Variants in NAGK observed in about 807,000 individuals in gnomAD.
NAGK encodes the protein N-acetyl-D-glucosamine kinase.
Under a neutral mutation model 42.9 loss-of-function variants are expected in NAGK, and 35 were observed. The ratio of observed to expected loss-of-function variants is 0.82; its 90% confidence interval spans 0.62 to 1.08. The LOEUF is 1.08. Among genes scored for constraint, NAGK ranks in the 50% least tolerant of loss-of-function variants. The probability of loss-of-function intolerance (pLI) is 0.00; values close to 1 mark genes in which losing one functional copy is unlikely to be tolerated. For synonymous variants in NAGK, 172 were observed against 176.0 expected (o/e 0.98, Z 0.18); for missense variants, 446 against 446.0 (o/e 1.00, Z 0.00).
Position 71,078,304 on chromosome 2 carries a change from GTTCTTCCC to G in NAGK, c.845-12_845-5del. On this transcript the variant is annotated splice_polypyrimidine_tract_variant and splice_region_variant and intron_variant, in intron 9 of 9. Coordinates refer to ENST00000244204, the MANE Select transcript of NAGK (RefSeq NM_017567.6). ...GTTCTCCTCTTATCTCTGTCCTTGT[GTTCTTCCC>G]TCCAGGTTTTCTTCTGGCGCTGACC... 3 of 1,613,066 alleles carry G rather than the reference GTTCTTCCC, an allele frequency of 1.9e-6. No homozygotes were observed. Among genetic ancestry groups the G allele is most frequent in the Non-Finnish European group, 2.5e-6 (3 of 1,179,042 alleles).
chr2:71,075,930 G>T, intron 7 of NAGK: 1 of 459,590 alleles, frequency 2.2e-6, no homozygotes, highest in Admixed American at 3.4e-5. Flanking sequence ...GTTGTCCTTT[G>T]GACAAATCTA....
At chr2:71,078,245 T>A in intron 9 of NAGK, 73 bp from the exon 10 acceptor site, 1 of 1,486,398 alleles carries the variant, frequency 6.7e-7, no homozygotes, top group Non-Finnish European at 9.4e-7. Flanking sequence ...GGCGTCCTTG[T>A]CTGTCTTCCT....
Position 71,071,776 on chromosome 2 carries a change from T to C in NAGK, c.304T>C (p.Tyr102His), listed in dbSNP as rs1434314188. The change falls in exon 4 of 10, where the codon TAC (tyrosine) becomes CAC (histidine). Residue 102 changes from tyrosine to histidine, a missense_variant. Tyr to His is a moderately conservative substitution (Grantham distance 83). Transcript: ENST00000244204. ...RDRFPYLSES[Y>H]LITTDAAGSI... ...CCGATTTCCCTACCTGAGTGAAAGC[T>C]ACTTAATCACCACCGATGCCGCCGG... 1.2e-6 allele frequency: 2 copies of C among 1,614,060 alleles called. No individual in the cohort carries two copies. Among genetic ancestry groups the C allele is most frequent in the African/African-American group, 1.3e-5 (1 of 74,930 alleles).
At chr2:71,069,265 T>C in intron 1 of NAGK, 1 of 241,050 alleles carries the variant, frequency 4.1e-6, no homozygotes, top group Non-Finnish European at 6.7e-6. Flanking sequence ...GCTTGTTTAC[T>C]GAACTTTTTG....
chr2:71,069,217 C>T (rs984818571), intron 1 of NAGK: 1 of 530,780 alleles, frequency 1.9e-6, no homozygotes, highest in Non-Finnish European at 2.4e-6. Context: ...GTTGGCCTTC[C>T]ATGCTGCTTT....
chr2:71,078,654 A>T lies in NAGK; in HGVS notation c.*146A>T. ...ATCCACTCCCCAATTGGACTGCATT[A>T]TCAAACACATGTGCTATGTACATCC... On this transcript the variant is annotated 3_prime_UTR_variant, in exon 10 of 10. Transcript: ENST00000244204. The T allele has an allele frequency of 1.0e-6, 1 of 965,660 alleles. No homozygotes were observed. Among genetic ancestry groups the T allele is most frequent in the Non-Finnish European group, 1.5e-6 (1 of 669,928 alleles). 59.8% of individuals were successfully genotyped at this position (965,660 alleles called of 1,614,324 possible).
At chr2:71,068,547 T>C (rs1049305877), upstream of NAGK, 3 of 1,477,078 alleles carry the variant, frequency 2.0e-6, no homozygotes, top group African/African-American at 1.5e-5. Flanking sequence ...GCCCCGCGCA[T>C]GCGCACGCGC....
Position 71,072,651 on chromosome 2 carries a change from G to C in NAGK, c.366G>C (p.Val122=). 1.2e-6 allele frequency: 2 copies of C among 1,613,932 alleles called. No individual in the cohort carries two copies. The highest frequency in any genetic ancestry group is 1.7e-6 in the Non-Finnish European group (2 of 1,179,832). The change falls in exon 5 of 10, where the codon GTG becomes GTC. Residue 122 remains valine (V), a synonymous_variant. Transcript: ENST00000244204. The stretch of plus-strand genomic sequence containing the variant: ...ATTCCCTTTCCCCAGGTGGAGTTGT[G>C]CTCATATCTGGAACAGGCTCCAACT... ...IATATPDGGV[V]LISGTGSNCR...
chr2:71,077,557 G>A lies in NAGK; in HGVS notation c.766-1G>A, dbSNP rs1371382379. ...ATATCCATTTTCTGCTCTCCACCCA[G>A]GTCTTGTTCCAGGGCAAGATTGGAC... is the stretch of plus-strand genomic sequence containing the variant. On this transcript the variant is annotated splice_acceptor_variant, in intron 8 of 9. Transcript: ENST00000244204. LOFTEE classifies it high-confidence loss of function. The A allele has an allele frequency of 6.2e-7, 1 of 1,605,706 alleles. No homozygotes were observed. Among genetic ancestry groups the A allele is most frequent in the South Asian group, 1.1e-5 (1 of 89,218 alleles).
In NAGK at chr2:71,068,680, C is replaced by T; in HGVS notation, c.-4C>T. 2 of 1,519,396 alleles carry T rather than the reference C, an allele frequency of 1.3e-6. No homozygotes were observed. Among genetic ancestry groups the T allele is most frequent in the African/African-American group, 1.4e-5 (1 of 70,072 alleles). 94.1% of individuals were successfully genotyped at this position (1,519,396 alleles called of 1,614,324 possible). On this transcript the variant is annotated 5_prime_UTR_variant, in exon 1 of 10. Coordinates refer to ENST00000244204, the MANE Select transcript of NAGK (RefSeq NM_017567.6). ...GCGGGACCAGCAGCGACGGTAGCAGCAGCATGGCCGCGATCTATGGGGGTG... is the reference window on the plus strand; with the variant it reads ...GCGGGACCAGCAGCGACGGTAGCAGTAGCATGGCCGCGATCTATGGGGGTG...
rs371815547 is a variant in NAGK, at chr2:71,076,588, G to A, written c.668-16G>A. On this transcript the variant is annotated splice_polypyrimidine_tract_variant and intron_variant, in intron 7 of 9. Coordinates refer to ENST00000244204, the MANE Select transcript of NAGK (RefSeq NM_017567.6). ...CCTTTCTCACCAGTTTCCTTCTTCC[G>A]TCCTCCCTACCCCAGGTGCTCAGCA... The A allele has an allele frequency of 1.0e-5, 16 of 1,593,572 alleles. No homozygotes were observed. Among genetic ancestry groups the A allele is most frequent in the South Asian group, 2.2e-5 (2 of 90,402 alleles).
chr2:71,070,862 G>C, intron 3 of NAGK, 23 bp downstream of exon 3: 1 of 1,612,656 alleles, frequency 6.2e-7, no homozygotes, highest in Middle Eastern at 1.7e-4. Context: ...CGGAGCCTGG[G>C]AATTCAGCCA....
chr2:71,074,839 C>G (rs1428663696), intron 6 of NAGK: 1 of 152,156 alleles, frequency 6.6e-6, no homozygotes, highest in African/African-American at 2.4e-5. Flanking sequence ...TTGCTTGAAC[C>G]TGGGAGGCGG....
chr2:71,070,367 G>C (rs1671952560), intron 1 of NAGK, 135 bp from the exon 2 acceptor site: 5 of 640,254 alleles, frequency 7.8e-6, no homozygotes, highest in Non-Finnish European at 1.4e-5. Context: ...CACAGAGGCG[G>C]GTTTGGGAGT....
rs112601471 is a variant in NAGK, at chr2:71,078,595, C to G, written c.*87C>G. The stretch of plus-strand genomic sequence containing the variant: ...TCTTTTGCTTCCTTTCTCCTTTTTA[C>G]AAAAACAAACATAGAAGAAAATAAA... On this transcript the variant is annotated 3_prime_UTR_variant, in exon 10 of 10. Transcript: ENST00000244204. The G allele has an allele frequency of 1.2e-5, 17 of 1,374,422 alleles. No individual in the cohort carries two copies. In the African/African-American group the frequency reaches 2.4e-4, roughly 19 times the overall value. 85.1% of individuals were successfully genotyped at this position (1,374,422 alleles called of 1,614,324 possible).
chr2:71,074,931 A>T (rs185127195), intron 6 of NAGK: 76 of 152,298 alleles, frequency 5.0e-4, no homozygotes, highest in African/African-American at 1.8e-3. Flanking sequence ...AAATAAAAAA[A>T]ATATTCTGGG....
At position 71,075,576 on chromosome 2, in the gene NAGK, C is replaced by G. The variant is rs769108239; in HGVS notation, c.601C>G (p.Leu201Val). Residue 201 changes from leucine to valine, a missense_variant, in exon 7 of 10, where the codon CTC (leucine) becomes GTC (valine). Coordinates refer to ENST00000244204, the MANE Select transcript of NAGK (RefSeq NM_017567.6). ...TCAGGTGCCAGATCGGCTAGGGATA[C>G]TCACTCACCTGTATAGGGACTTTGA... is the stretch of plus-strand genomic sequence containing the variant. ...YFQVPDRLGI[L>V]THLYRDFDKC... 1 of 1,614,034 alleles carries G rather than the reference C, an allele frequency of 6.2e-7. No individual in the cohort carries two copies. Among genetic ancestry groups the G allele is most frequent in the Non-Finnish European group, 8.5e-7 (1 of 1,179,864 alleles).
intron 3 of NAGK, chr2:71,071,089 G>A: frequency 4.0e-6 from 2 of 502,764 alleles, no homozygotes; most frequent in Non-Finnish European, 7.3e-6. Flanking sequence ...TTGCTGCTCA[G>A]TATCTGCGTA....
intron 5 of NAGK, chr2:71,073,042 G>A (rs746191615): frequency 2.1e-6 from 1 of 484,110 alleles, no homozygotes; most frequent in Non-Finnish European, 3.8e-6. Context: ...TTGAAACTGA[G>A]GGTAAGGCCA....
Sources: allele counts gnomAD v4.1 joint callset, GRCh38; gene constraint gnomAD v4.1.1; transcripts MANE v1.5; gene names NCBI Gene and HGNC (gene_info 2026-07-23, HGNC 2026-07-21).